Variants in BCAS3 observed in about 807,000 individuals in gnomAD.
BCAS3 encodes the protein BCAS4/BCAS3 fusion.
In BCAS3, 53 loss-of-function variants were observed where a neutral mutation model predicts 116.1. The observed-to-expected ratio is 0.46, with a 90% CI of 0.37 to 0.57. The LOEUF (loss-of-function observed/expected upper bound fraction) is 0.57, where lower values mean the gene tolerates loss of function less well. Among genes scored for constraint, BCAS3 ranks in the 20% least tolerant of loss-of-function variants. The pLI, the probability that BCAS3 is intolerant of heterozygous loss-of-function variation, is 0.00. For missense variants in BCAS3, 917 were observed against 1,165.4 expected, an observed-to-expected ratio of 0.79 and a Z score of 3.10; for synonymous variants, 391 against 408.2, an observed-to-expected ratio of 0.96 and a Z score of 0.51.
chr17:61,385,995 G>GA (rs2059827396), intron 23 of BCAS3, among the ~76,000 whole-genome samples: 1 of 152,224 alleles, frequency 6.6e-6, no homozygotes, highest in South Asian at 2.1e-4. Context: ...GGAGGCTGGA[G>GA]AGGGACCCTG....
intron 12 of BCAS3, among the ~76,000 whole-genome samples, chr17:60,912,868 C>G (rs1156818927): frequency 2.0e-5 from 3 of 151,994 alleles, no homozygotes; most frequent in Non-Finnish European, 4.4e-5. Flanking sequence ...TGTTAAAGAT[C>G]TAGCATTTGT....
chr17:61,182,075 G>C (rs775201982), intron 22 of BCAS3, among the ~76,000 whole-genome samples: 13 of 151,886 alleles, frequency 8.6e-5, no homozygotes, highest in Non-Finnish European at 1.6e-4. Context: ...AGGTCCTACT[G>C]TTTTGCCCTG....
rs1382447446 is a variant in BCAS3, at chr17:61,088,496, CT to C, written c.2425+3935del. Among the ~76,000 whole-genome samples the C allele has an allele frequency of 6.6e-6, 1 of 152,174 alleles. No individual in the cohort carries two copies. The highest frequency in any genetic ancestry group is 2.4e-5 in the African/African-American group (1 of 41,450). ...AGATAGCTAAGAATTTCTTTCTATT[CT>C]TTGTACCTTATAACCTGTGCCCTTC... On this transcript the variant is annotated intron_variant, in intron 22 of 23. Transcript: ENST00000407086. The surrounding 1 kb of genome is among the most constrained non-coding windows in gnomAD (Gnocchi z 4.2).
At chr17:61,287,262 A>T (rs1374121011) in intron 22 of BCAS3, among the ~76,000 whole-genome samples, 1 of 151,784 alleles carries the variant, frequency 6.6e-6, no homozygotes, top group Non-Finnish European at 1.5e-5. Context: ...AAAAAACTCT[A>T]TGGAGTTGGG....
rs1041269396 is a variant in BCAS3, at chr17:60,683,995, A to G, written c.97A>G (p.Met33Val). ...RPQAVTEQSY[M>V]ESVVTFLQDV... ...ACCCTTTTCCAGAGAGCAGTCCTAC[A>G]TGGAAAGTGTTGTGACTTTTCTGCA... The change falls in exon 3 of 24, where the codon ATG becomes GTG. Residue 33 changes from methionine (M) to valine (V), a missense_variant. Met to Val is a conservative substitution (Grantham distance 21). Around this residue, in one of 3 missense-constraint regions of BCAS3, gnomAD observed 807 missense variants for 1,026.0 expected, o/e 0.79. Transcript: ENST00000407086. 3.7e-6 allele frequency: 6 copies of G among 1,613,906 alleles called. No homozygotes were observed. Among genetic ancestry groups the G allele is most frequent in the Middle Eastern group, 1.6e-4 (1 of 6,062 alleles).
At chr17:60,798,563 AC>A (rs2047418427) in intron 6 of BCAS3, among the ~76,000 whole-genome samples, 1 of 152,144 alleles carries the variant, frequency 6.6e-6, no homozygotes, top group Admixed American at 6.5e-5. Context: ...TGGATATATT[AC>A]AGTTTATTTA....
chr17:61,319,165 C>T (rs2054989359), intron 22 of BCAS3, among the ~76,000 whole-genome samples: 1 of 152,158 alleles, frequency 6.6e-6, no homozygotes, highest in African/African-American at 2.4e-5. Flanking sequence ...GGGCCTACAC[C>T]CCTCGCTACA....
intron 22 of BCAS3, among the ~76,000 whole-genome samples, chr17:61,206,901 G>A (rs910079327): frequency 6.8e-6 from 1 of 147,568 alleles, no homozygotes; most frequent in African/African-American, 2.5e-5. Flanking sequence ...TGTATGGTTT[G>A]TTGTTTGTTT....
In BCAS3 at chr17:61,128,309, G is replaced by A. The variant is rs1179094380; in HGVS notation, c.2425+43745G>A. ...TCATCTACGGCTGAGATGCAGAGGA[G>A]AGACTTAGTGAAATATGCAGAGCTC... On this transcript the variant is annotated intron_variant, in intron 22 of 23. Coordinates refer to ENST00000407086, the MANE Select transcript of BCAS3 (RefSeq NM_017679.5). The surrounding 1 kb of genome is among the most constrained non-coding windows in gnomAD (Gnocchi z 4.1). 2 of 985,294 alleles carry A rather than the reference G, an allele frequency of 2.0e-6. No homozygotes were observed. Among genetic ancestry groups the A allele is most frequent in the Non-Finnish European group, 2.4e-6 (2 of 829,938 alleles). 61.0% of individuals were successfully genotyped at this position (985,294 alleles called of 1,614,324 possible). A position where few individuals can be genotyped will look rare whatever the true frequency, so the allele number is the denominator to read the frequency against.
At chr17:60,752,568 C>A (rs938943997) in intron 6 of BCAS3, among the ~76,000 whole-genome samples, 6 of 151,912 alleles carry the variant, frequency 3.9e-5, no homozygotes, top group Non-Finnish European at 8.8e-5. Context: ...AGACTACAGG[C>A]GCCCTCCACC....
intron 22 of BCAS3, among the ~76,000 whole-genome samples, chr17:61,357,887 C>G (rs2058243120): frequency 6.6e-6 from 1 of 151,712 alleles, no homozygotes; most frequent in African/African-American, 2.4e-5. Context: ...TCAAGAGTTC[C>G]AGACCCGCCT....
At chr17:60,810,705 G>A (rs936233544) in intron 7 of BCAS3, 16 of 663,580 alleles carry the variant, frequency 2.4e-5, no homozygotes, top group Non-Finnish European at 4.5e-5. Flanking sequence ...CTGTGGAGAG[G>A]GACATCCATG....
intron 5 of BCAS3, among the ~76,000 whole-genome samples, chr17:60,726,737 C>A (rs2039911017): frequency 6.6e-6 from 1 of 151,544 alleles, no homozygotes; most frequent in Non-Finnish European, 1.5e-5. Flanking sequence ...TCTTGATCTC[C>A]TGACCTCGTG....
intron 22 of BCAS3, among the ~76,000 whole-genome samples, chr17:61,231,196 AT>A (rs1054003305): frequency 3.3e-5 from 5 of 151,634 alleles, no homozygotes; most frequent in African/African-American, 1.2e-4. Flanking sequence ...GATGATGAGC[AT>A]TTTTTCATGT....
In BCAS3 at chr17:61,253,724, G is replaced by A. The variant is rs975704653; in HGVS notation, c.2426-114603G>A. On this transcript the variant is annotated intron_variant, in intron 22 of 23. Transcript: ENST00000407086. ...CTCAGATTCCAGCTGTGGAACAGAGGTGCAGAGGTGGATTTTAATGTTATT... is the reference window on the plus strand; with the variant it reads ...CTCAGATTCCAGCTGTGGAACAGAGATGCAGAGGTGGATTTTAATGTTATT... Among the ~76,000 whole-genome samples the A allele has an allele frequency of 5.3e-4, 80 of 151,632 alleles. 1 individual carries two copies. The highest frequency in any genetic ancestry group is 5.1e-3 in the Admixed American group (78 of 15,180).
intron 5 of BCAS3, among the ~76,000 whole-genome samples, chr17:60,737,129 A>G (rs2041065874): frequency 6.6e-6 from 1 of 151,872 alleles, no homozygotes; most frequent in Non-Finnish European, 1.5e-5. Context: ...TAGTAGAGAC[A>G]GTGTTTCGCC....
intron 14 of BCAS3, among the ~76,000 whole-genome samples, chr17:60,974,992 C>T (rs60163391): frequency 0.11 from 16,084 of 141,766 alleles, 3,106 homozygotes; most frequent in African/African-American, 0.44. Flanking sequence ...GTTTTTTTTG[C>T]TTTTTTGTTT....
chr17:60,798,769 C>T (rs1357273650), intron 6 of BCAS3, among the ~76,000 whole-genome samples: 2 of 152,198 alleles, frequency 1.3e-5, no homozygotes, highest in Non-Finnish European at 2.9e-5. Flanking sequence ...CAAACTCCTC[C>T]AATGGGGCTG....
At chr17:61,386,724 G>A (rs529810735) in intron 23 of BCAS3, among the ~76,000 whole-genome samples, 1 of 151,664 alleles carries the variant, frequency 6.6e-6, no homozygotes, top group South Asian at 2.1e-4. Flanking sequence ...AGACGTCCAG[G>A]TTGGAAGAGA....
Sources: gnomAD v4.1 joint callset for allele counts (sites outside exome capture counted in the v4.1 genomes callset) on GRCh38, gnomAD v4.1.1 for gene constraint, gnomAD v4.1.1 regional missense constraint, Gnocchi (gnomAD v3.1) non-coding constraint, MANE v1.5 for transcripts, NCBI Gene and HGNC (gene_info 2026-07-23, HGNC 2026-07-21) for gene names.